Variants in PGCKA1 observed in about 807,000 individuals in gnomAD.
PGCKA1 encodes PDCD10 and GCKIII kinases-associated protein 1.
the PGCKA1 span, among the ~76,000 whole-genome samples, chr4:37,537,797 C>A: frequency 1.2e-4 from 19 of 152,202 alleles, no homozygotes; most frequent in African/African-American, 4.6e-4. Flanking sequence ...ACTCTGAATT[C>A]TTTCTCCAAA....
chr4:37,515,224 A>C, the PGCKA1 span, among the ~76,000 whole-genome samples: 2 of 152,132 alleles, frequency 1.3e-5, no homozygotes, highest in African/African-American at 2.4e-5. Context: ...AGTGGTCTGA[A>C]ACCTGGCCTT....
the PGCKA1 span, among the ~76,000 whole-genome samples, chr4:37,505,430 T>G: frequency 6.6e-6 from 1 of 152,174 alleles, no homozygotes; most frequent in Non-Finnish European, 1.5e-5. Context: ...AGAGTAATAC[T>G]GGCCTTGTAG....
At chr4:37,491,255 G>A in the PGCKA1 span, among the ~76,000 whole-genome samples, 2 of 152,178 alleles carry the variant, frequency 1.3e-5, no homozygotes, top group African/African-American at 4.8e-5. Flanking sequence ...CGCTATGGAA[G>A]ATGATGGCTT....
chr4:37,526,657 G>C, the PGCKA1 span, among the ~76,000 whole-genome samples: 2 of 152,144 alleles, frequency 1.3e-5, no homozygotes, highest in Admixed American at 6.5e-5. Context: ...CTACTGCCTA[G>C]TGACATCATA....
chr4:37,536,611 G>A, the PGCKA1 span, among the ~76,000 whole-genome samples: 1 of 152,106 alleles, frequency 6.6e-6, no homozygotes, highest in Non-Finnish European at 1.5e-5. Context: ...TTTCTCATCA[G>A]GTACTTTCTT....
chr4:37,507,897 T>C, the PGCKA1 span, among the ~76,000 whole-genome samples: 8 of 152,206 alleles, frequency 5.3e-5, no homozygotes, highest in Non-Finnish European at 1.2e-4. Flanking sequence ...TTTGTTTTTC[T>C]GGGAAAGTAA....
chr4:37,553,796 C>A, the PGCKA1 span, among the ~76,000 whole-genome samples: 1 of 152,110 alleles, frequency 6.6e-6, no homozygotes. Flanking sequence ...TTAAAACATG[C>A]AAGGTACCAC....
At chr4:37,564,070 C>T in the PGCKA1 span, among the ~76,000 whole-genome samples, 1 of 151,948 alleles carries the variant, frequency 6.6e-6, no homozygotes. Flanking sequence ...ATCAGGAGGT[C>T]GAGACCCGCC....
the PGCKA1 span, among the ~76,000 whole-genome samples, chr4:37,546,670 T>C: frequency 0.037 from 5,672 of 152,310 alleles, 155 homozygotes; most frequent in South Asian, 0.14. Flanking sequence ...TCCTGCTACA[T>C]TTCTTGGTTC....
the PGCKA1 span, chr4:37,590,329 G>C: frequency 1.2e-6 from 2 of 1,613,758 alleles, no homozygotes; most frequent in African/African-American, 1.3e-5. Context: ...CGCTGGAGGG[G>C]AACACCATGC....
the PGCKA1 span, among the ~76,000 whole-genome samples, chr4:37,557,193 AT>A: frequency 6.6e-6 from 1 of 152,188 alleles, no homozygotes; most frequent in South Asian, 2.1e-4. Flanking sequence ...AAACAAAGAT[AT>A]TTTCTAAATC....
chr4:37,533,059 T>TTTGGGGACTTGGGG, the PGCKA1 span, among the ~76,000 whole-genome samples: 4 of 88,464 alleles, frequency 4.5e-5, no homozygotes, highest in Non-Finnish European at 5.6e-5. Flanking sequence ...ACAAATCATC[T>TTTGGGGACTTGGGG]GGTATGTAAC....
At chr4:37,497,560 G>C in the PGCKA1 span, among the ~76,000 whole-genome samples, 1 of 151,994 alleles carries the variant, frequency 6.6e-6, no homozygotes, top group Non-Finnish European at 1.5e-5. Context: ...TTATTTTTTT[G>C]ATTGTAGCCA....
At chr4:37,586,792 C>T in the PGCKA1 span, among the ~76,000 whole-genome samples, 1 of 152,146 alleles carries the variant, frequency 6.6e-6, no homozygotes, top group African/African-American at 2.4e-5. Flanking sequence ...CACCTGTAAT[C>T]CCAGCTACTG....
chr4:37,554,640 A>G, the PGCKA1 span, among the ~76,000 whole-genome samples: 1 of 152,116 alleles, frequency 6.6e-6, no homozygotes, highest in African/African-American at 2.4e-5. Flanking sequence ...GAGCCACCAC[A>G]CCCGGCCTAG....
At chr4:37,454,599 G>A in the PGCKA1 span, among the ~76,000 whole-genome samples, 1 of 152,250 alleles carries the variant, frequency 6.6e-6, no homozygotes, top group Non-Finnish European at 1.5e-5. Flanking sequence ...AGGGTGCCAG[G>A]AGGCCTCACG....
chr4:37,589,193 AC>A, the PGCKA1 span, among the ~76,000 whole-genome samples: 1 of 152,172 alleles, frequency 6.6e-6, no homozygotes, highest in South Asian at 2.1e-4. Flanking sequence ...AAAATAAATC[AC>A]CCCAATCACA....
chr4:37,516,631 A>C, the PGCKA1 span, among the ~76,000 whole-genome samples: 1 of 152,168 alleles, frequency 6.6e-6, no homozygotes, highest in Non-Finnish European at 1.5e-5. Context: ...CCACGAGCTC[A>C]AATAGCTTTC....
chr4:37,590,371 A>T, the PGCKA1 span: 2 of 1,613,804 alleles, frequency 1.2e-6, no homozygotes, highest in Non-Finnish European at 1.7e-6. Context: ...CCCTGCTGCC[A>T]CTCCACAGCC....
Sources: gnomAD v4.1 joint callset for allele counts (sites outside exome capture counted in the v4.1 genomes callset) on GRCh38, gnomAD v4.1.1 for gene constraint, MANE v1.5 for transcripts, NCBI Gene and HGNC (gene_info 2026-07-23, HGNC 2026-07-21) for gene names.